Variants in ADAMTS3 observed in about 807,000 individuals in gnomAD.
ADAMTS3 encodes the protein ADAM metallopeptidase with thrombospondin type 1 motif 3.
A neutral mutation model predicts 129.0 loss-of-function variants in ADAMTS3; 73 were observed. The ratio of observed to expected loss-of-function variants is 0.57; its 90% CI spans 0.47 to 0.69. ADAMTS3 has a LOEUF of 0.69. ADAMTS3 is among the 30% of genes least tolerant of loss of function. The pLI, the probability that ADAMTS3 is intolerant of heterozygous loss-of-function variation, is 0.00. For missense variants in ADAMTS3, 1,457 were observed against 1,514.5 expected (o/e 0.96, Z 0.63); for synonymous variants, 477 against 510.8 (o/e 0.93, Z 0.89).
chr4:72,518,901 G>C (rs539247760), intron 3 of ADAMTS3, among the ~76,000 whole-genome samples: 1 of 152,134 alleles, frequency 6.6e-6, no homozygotes, highest in South Asian at 2.1e-4. Flanking sequence ...TGCTTATTTT[G>C]CTCATTAGTT....
chr4:72,526,731 T>A, intron 3 of ADAMTS3, among the ~76,000 whole-genome samples: 1 of 36,656 alleles, frequency 2.7e-5, no homozygotes, highest in African/African-American at 1.2e-4. Context: ...AATATATACA[T>A]ACATATATAT....
chr4:72,380,482 T>G (rs1235913715), intron 4 of ADAMTS3, among the ~76,000 whole-genome samples: 1 of 152,178 alleles, frequency 6.6e-6, no homozygotes, highest in Non-Finnish European at 1.5e-5. Flanking sequence ...TAATGATTAT[T>G]ATGGCTGCAG....
At chr4:72,487,926 A>G (rs557534704) in intron 3 of ADAMTS3, among the ~76,000 whole-genome samples, 37 of 152,204 alleles carry the variant, frequency 2.4e-4, no homozygotes, top group African/African-American at 6.7e-4. Flanking sequence ...AGCTCTTCCT[A>G]AGAGAAAAAA....
intron 4 of ADAMTS3, among the ~76,000 whole-genome samples, chr4:72,408,048 T>A (rs533905171): frequency 7.0e-4 from 106 of 152,280 alleles, no homozygotes; most frequent in African/African-American, 2.3e-3. Context: ...AAATTTCTAG[T>A]ATCTAGAAAG....
intron 4 of ADAMTS3, among the ~76,000 whole-genome samples, chr4:72,364,834 C>T (rs1373180036): frequency 6.6e-6 from 1 of 151,986 alleles, no homozygotes; most frequent in Non-Finnish European, 1.5e-5. Context: ...AGTGATTCTC[C>T]TACCTCAGCC....
intron 4 of ADAMTS3, among the ~76,000 whole-genome samples, chr4:72,391,205 C>CT (rs1560497835): frequency 6.6e-6 from 1 of 152,122 alleles, no homozygotes; most frequent in South Asian, 2.1e-4. Context: ...GAAAATCCAT[C>CT]TTTTTGTGTA....
At chr4:72,527,210 G>A (rs1371258045) in intron 3 of ADAMTS3, among the ~76,000 whole-genome samples, 2 of 152,086 alleles carry the variant, frequency 1.3e-5, no homozygotes, top group Admixed American at 1.3e-4. Context: ...GGCTTGACAG[G>A]TACTTTATCA....
intron 3 of ADAMTS3, among the ~76,000 whole-genome samples, chr4:72,422,996 T>G (rs934166275): frequency 1.3e-5 from 2 of 152,138 alleles, no homozygotes; most frequent in Non-Finnish European, 2.9e-5. Flanking sequence ...TTAAAAAAGT[T>G]CCATCAAAAA....
chr4:72,342,481 A>C (rs1330337002), intron 4 of ADAMTS3, among the ~76,000 whole-genome samples: 1 of 151,480 alleles, frequency 6.6e-6, no homozygotes, highest in Non-Finnish European at 1.5e-5. Flanking sequence ...CTTGTGCCTC[A>C]ACCTCCCGAG....
intron 3 of ADAMTS3, among the ~76,000 whole-genome samples, chr4:72,472,605 G>T: frequency 6.6e-6 from 1 of 151,988 alleles, no homozygotes; most frequent in East Asian, 1.9e-4. Flanking sequence ...ATTTAATAAG[G>T]AGACATTAAA....
intron 3 of ADAMTS3, among the ~76,000 whole-genome samples, chr4:72,420,670 C>T (rs1722421283): frequency 6.6e-6 from 1 of 152,138 alleles, no homozygotes; most frequent in African/African-American, 2.4e-5. Flanking sequence ...ATCTCAAGTG[C>T]TTAAAGCAAT....
At chr4:72,298,109 A>G (rs1718853196) in intron 18 of ADAMTS3, 168 bp downstream of exon 18, 3 of 542,650 alleles carry the variant, frequency 5.5e-6, no homozygotes, top group African/African-American at 1.9e-5. Flanking sequence ...GAATCCTATG[A>G]TTTGGTGATT....
intron 3 of ADAMTS3, among the ~76,000 whole-genome samples, chr4:72,477,596 T>C (rs982988358): frequency 2.2e-4 from 33 of 151,286 alleles, no homozygotes; most frequent in African/African-American, 7.3e-4. Context: ...GCAGGAAAGA[T>C]CCAAAATTGA....
chr4:72,446,079 G>T lies in ADAMTS3; in HGVS notation c.505-31108C>A, dbSNP rs1578686203. ...GGAGGGCTCCCTCATTGACTCAGTT[G>T]CTCAACTTGACCTCAAGGGCCCCAG... On this transcript the variant is annotated intron_variant, in intron 3 of 21. Transcript: ENST00000286657. Among the ~76,000 whole-genome samples, 4 of 151,754 alleles carry T rather than the reference G, an allele frequency of 2.6e-5. No homozygotes were observed. In the East Asian group the frequency reaches 7.9e-4, roughly 30 times the overall value.
rs146146079 is a variant in ADAMTS3, at chr4:72,345,413, G to A, written c.662-5720C>T. Among the ~76,000 whole-genome samples, 61 of 152,172 alleles carry A rather than the reference G, an allele frequency of 4.0e-4. No homozygotes were observed. In the East Asian group the frequency reaches 6.4e-3, roughly 16 times the overall value. ...TATCATCCAATAGTGATTTTTAATT[G>A]ACATCTTTTTAAAAAAATTTAAAGT... On this transcript the variant is annotated intron_variant, in intron 4 of 21. Transcript: ENST00000286657.
intron 3 of ADAMTS3, among the ~76,000 whole-genome samples, chr4:72,501,950 C>G (rs1720037469): frequency 2.9e-5 from 1 of 34,354 alleles, no homozygotes. Context: ...CCTCGCATCC[C>G]AGCAATGAAG....
intron 4 of ADAMTS3, among the ~76,000 whole-genome samples, chr4:72,399,871 TATACACACACG>T (rs1721847139): frequency 4.0e-5 from 4 of 100,808 alleles, no homozygotes; most frequent in African/African-American, 7.8e-5. Context: ...CGTGTGTATA[TATACACACACG>T]GTGTGTATAT....
chr4:72,429,239 C>T (rs1722639628), intron 3 of ADAMTS3, among the ~76,000 whole-genome samples: 1 of 151,984 alleles, frequency 6.6e-6, no homozygotes, highest in East Asian at 1.9e-4. Flanking sequence ...ATAAATGGAA[C>T]CTATGAATTC....
chr4:72,350,443 A>G (rs1046478111), intron 4 of ADAMTS3, among the ~76,000 whole-genome samples: 19 of 151,992 alleles, frequency 1.3e-4, no homozygotes, highest in Admixed American at 8.5e-4. Context: ...TCTCATCATT[A>G]TGGGTTGCAT....
Sources: gnomAD v4.1 joint callset for allele counts (sites outside exome capture counted in the v4.1 genomes callset) on GRCh38, gnomAD v4.1.1 for gene constraint, MANE v1.5 for transcripts, NCBI Gene and HGNC (gene_info 2026-07-23, HGNC 2026-07-21) for gene names.